Variants in RNF150 observed in about 807,000 individuals in gnomAD.
RNF150 encodes the protein ring finger protein 150.
Under a neutral mutation model 39.3 loss-of-function variants are expected in RNF150, and 24 were observed. The ratio of observed to expected loss-of-function variants is 0.61; its 90% CI spans 0.44 to 0.86. The LOEUF (loss-of-function observed/expected upper bound fraction) is 0.86, where lower values mean the gene tolerates loss of function less well. RNF150 is among the 40% of genes least tolerant of loss of function. The pLI, the probability that RNF150 is intolerant of heterozygous loss-of-function variation, is 0.00. For synonymous variants in RNF150, 255 were observed against 227.3 expected (o/e 1.12, Z -1.10); for missense variants, 502 against 587.8 (o/e 0.85, Z 1.51).
chr4:141,106,768 T>C (rs1739223437), intron 1 of RNF150, among the ~76,000 whole-genome samples: 1 of 152,018 alleles, frequency 6.6e-6, no homozygotes, highest in East Asian at 1.9e-4. Flanking sequence ...CACTCCAGTG[T>C]GGGTGAAAAG....
At chr4:141,157,980 A>G (rs898138476) in intron 1 of RNF150, among the ~76,000 whole-genome samples, 1 of 152,188 alleles carries the variant, frequency 6.6e-6, no homozygotes, top group Non-Finnish European at 1.5e-5. Flanking sequence ...TATTTGTTAG[A>G]TAAATGGATT....
intron 6 of RNF150, among the ~76,000 whole-genome samples, chr4:140,897,843 A>T (rs1220560531): frequency 6.6e-6 from 1 of 152,126 alleles, no homozygotes; most frequent in Non-Finnish European, 1.5e-5. Context: ...AATTACCTCC[A>T]TTTTACAGAT....
intron 1 of RNF150, among the ~76,000 whole-genome samples, chr4:141,120,408 T>C (rs1210066261): frequency 6.6e-6 from 1 of 152,140 alleles, no homozygotes; most frequent in African/African-American, 2.4e-5. Context: ...CTGGGTACTC[T>C]TCCTGCTCAC....
intron 6 of RNF150, among the ~76,000 whole-genome samples, chr4:140,902,221 A>C (rs898256000): frequency 7.2e-5 from 11 of 152,212 alleles, no homozygotes; most frequent in Admixed American, 2.0e-4. Flanking sequence ...TAAAAGGCAG[A>C]ATGAACAGGG....
At chr4:141,129,764 G>GA (rs1286899286) in intron 1 of RNF150, among the ~76,000 whole-genome samples, 2 of 151,754 alleles carry the variant, frequency 1.3e-5, no homozygotes, top group Non-Finnish European at 2.9e-5. Context: ...AGCAGGAAAA[G>GA]AAAAAAACAG....
intron 1 of RNF150, among the ~76,000 whole-genome samples, chr4:141,077,633 T>C (rs1737943835): frequency 6.6e-6 from 1 of 152,242 alleles, no homozygotes; most frequent in African/African-American, 2.4e-5. Flanking sequence ...GAGCCCACAT[T>C]CCACCATTTC....
At chr4:140,894,498 T>C (rs1160167226) in intron 6 of RNF150, among the ~76,000 whole-genome samples, 1 of 152,218 alleles carries the variant, frequency 6.6e-6, no homozygotes, top group Non-Finnish European at 1.5e-5. Context: ...TGATTACTGA[T>C]GTTTATAGTG....
chr4:140,973,066 T>C (rs951417973), intron 1 of RNF150, among the ~76,000 whole-genome samples: 1 of 152,110 alleles, frequency 6.6e-6, no homozygotes, highest in Non-Finnish European at 1.5e-5. Flanking sequence ...TTATTAAAAT[T>C]AGAAAACCAT....
chr4:141,204,001 T>C (rs1484733761), intron 1 of RNF150, among the ~76,000 whole-genome samples: 1 of 152,108 alleles, frequency 6.6e-6, no homozygotes, highest in Non-Finnish European at 1.5e-5. Flanking sequence ...AGGGTAACAC[T>C]GTGTAAAATG....
At chr4:140,914,325 C>A (rs372731163) in intron 5 of RNF150, among the ~76,000 whole-genome samples, 3 of 152,110 alleles carry the variant, frequency 2.0e-5, no homozygotes, top group African/African-American at 7.2e-5. Flanking sequence ...TCAAATGGAA[C>A]AATATTTTGA....
chr4:140,953,578 C>T (rs1468480608), intron 2 of RNF150, among the ~76,000 whole-genome samples: 1 of 150,198 alleles, frequency 6.7e-6, no homozygotes, highest in African/African-American at 2.5e-5. Context: ...AAAAACAACA[C>T]AAAGTTTTGA....
intron 1 of RNF150, among the ~76,000 whole-genome samples, chr4:141,044,560 G>C (rs933027922): frequency 2.0e-5 from 3 of 152,116 alleles, no homozygotes; most frequent in Non-Finnish European, 4.4e-5. Context: ...TATTATTTTA[G>C]AAGTGAAAAA....
chr4:141,041,309 G>A (rs371200045), intron 1 of RNF150, among the ~76,000 whole-genome samples: 99 of 152,214 alleles, frequency 6.5e-4, no homozygotes, highest in African/African-American at 2.2e-3. Flanking sequence ...AGGCAATAAT[G>A]AAATGTAAAC....
chr4:141,001,775 T>G (rs995782831), intron 1 of RNF150, among the ~76,000 whole-genome samples: 3 of 152,162 alleles, frequency 2.0e-5, no homozygotes, highest in Non-Finnish European at 4.4e-5. Flanking sequence ...GAGTATTCTC[T>G]TTTTATTGGG....
Position 141,133,093 on chromosome 4 carries a change from CTGCT to C in RNF150, c.-289_-286del. On this transcript the variant is annotated 5_prime_UTR_variant, in exon 1 of 7. An upstream open reading frame in the 5' UTR gains an earlier in-frame stop. Coordinates refer to ENST00000515673, the MANE Select transcript of RNF150 (RefSeq NM_020724.2). The stretch of plus-strand genomic sequence containing the variant: ...GGCCCGCGGGGCTTGCGGAGGAGTC[CTGCT>C]GCCGAGCGTCCTGCTCCTTCGCCCG... 1 of 368,752 alleles carries C rather than the reference CTGCT, an allele frequency of 2.7e-6. No homozygotes were observed. Among genetic ancestry groups the C allele is most frequent in the Non-Finnish European group, 4.9e-6 (1 of 202,652 alleles). 22.8% of individuals were successfully genotyped at this position (368,752 alleles called of 1,614,324 possible).
intron 1 of RNF150, among the ~76,000 whole-genome samples, chr4:141,066,261 T>G (rs1052468913): frequency 2.0e-5 from 3 of 151,834 alleles, no homozygotes; most frequent in Non-Finnish European, 4.4e-5. Flanking sequence ...AAACCATTCC[T>G]CAGTAATTTT....
chr4:141,080,361 A>T (rs564048478), intron 1 of RNF150, among the ~76,000 whole-genome samples: 1 of 152,182 alleles, frequency 6.6e-6, no homozygotes. Flanking sequence ...CCTCTGGTTC[A>T]TCATCCAATT....
intron 1 of RNF150, among the ~76,000 whole-genome samples, chr4:141,210,309 A>G (rs750878408): frequency 3.3e-5 from 5 of 152,086 alleles, no homozygotes; most frequent in African/African-American, 4.8e-5. Context: ...CAGATCCGGG[A>G]CCACTTTAGT....
intron 1 of RNF150, among the ~76,000 whole-genome samples, chr4:141,012,008 A>G (rs960099635): frequency 6.6e-6 from 1 of 152,268 alleles, no homozygotes; most frequent in Non-Finnish European, 1.5e-5. Context: ...CTAAGTTTAT[A>G]GCTGCATTCT....
Sources: allele counts gnomAD v4.1 joint callset (sites outside exome capture counted in the v4.1 genomes callset), GRCh38; gene constraint gnomAD v4.1.1; transcripts MANE v1.5; gene names NCBI Gene and HGNC (gene_info 2026-07-23, HGNC 2026-07-21).